PCDHGA2: variants seen among roughly 807,000 people sequenced by gnomAD.
PCDHGA2 encodes the protein protocadherin gamma-A2.
PCDHGA2 carries 40 observed loss-of-function variants against 59.2 expected under a neutral mutation model. That is an observed-to-expected ratio of 0.68 (90% confidence interval 0.52 to 0.88). PCDHGA2 has a LOEUF of 0.88. PCDHGA2 is among the 40% of genes least tolerant of loss of function. PCDHGA2 has a pLI of 0.00. For missense variants in PCDHGA2, 1,226 were observed against 1,204.0 expected, an observed-to-expected ratio of 1.02 and a Z score of -0.27; for synonymous variants, 560 against 526.0, an observed-to-expected ratio of 1.06 and a Z score of -0.89.
Position 141,366,326 on chromosome 5 carries a change from G to A in PCDHGA2, c.2424+24931G>A, listed in dbSNP as rs377206764. ...CTTCACGGTCACCGTTGCCGTGGCCGACAGGATCCCTGACATCCTGGCTGA... is the reference window on the plus strand; with the variant it reads ...CTTCACGGTCACCGTTGCCGTGGCCAACAGGATCCCTGACATCCTGGCTGA... On this transcript the variant is annotated intron_variant, in intron 1 of 3. Coordinates refer to ENST00000394576, the MANE Select transcript of PCDHGA2 (RefSeq NM_018915.4). 4 of 1,613,810 alleles carry A rather than the reference G, an allele frequency of 2.5e-6. No individual in the cohort carries two copies. The African/African-American group carries it at 4.0e-5, about 16-fold the overall frequency.
At chr5:141,345,206 A>G (rs752389107) in intron 1 of PCDHGA2, 4 of 1,613,874 alleles carry the variant, frequency 2.5e-6, no homozygotes, top group Admixed American at 3.3e-5. Context: ...GAAATCTGCC[A>G]TTTAAGTTAG....
At chr5:141,410,961 C>T (rs2095452770) in intron 1 of PCDHGA2, 1 of 178,096 alleles carries the variant, frequency 5.6e-6, no homozygotes, top group African/African-American at 2.5e-5. Flanking sequence ...TCAAGCGATT[C>T]TCCTGCCTCA....
At position 141,490,406 on chromosome 5, in the gene PCDHGA2, T is replaced by G; in HGVS notation, c.2425-4401T>G. On this transcript the variant is annotated intron_variant, in intron 1 of 3. Transcript: ENST00000394576. This position sits in a 1 kb window ranked among gnomAD's most constrained non-coding sequence, Gnocchi z 5.4. ...AGAAATGGTGAAGTGAGCCTTGATA[T>G]CTCTCCGGACCTGCCATTTCAGATT... is the stretch of plus-strand genomic sequence containing the variant. The G allele has an allele frequency of 1.9e-6, 3 of 1,614,112 alleles. No individual in the cohort carries two copies. Among genetic ancestry groups the G allele is most frequent in the Non-Finnish European group, 2.5e-6 (3 of 1,180,020 alleles).
Position 141,419,433 on chromosome 5 carries a change from T to C in PCDHGA2, c.2425-75374T>C, listed in dbSNP as rs1333004780. 11 of 1,613,246 alleles carry C rather than the reference T, an allele frequency of 6.8e-6. No individual in the cohort carries two copies. The highest frequency in any genetic ancestry group is 9.3e-6 in the Non-Finnish European group (11 of 1,179,828). On this transcript the variant is annotated intron_variant, in intron 1 of 3. Coordinates refer to ENST00000394576, the MANE Select transcript of PCDHGA2 (RefSeq NM_018915.4). ...CAGCGCGCCTTCGACCACGAGCAGC[T>C]GCGCACCTTCGAGCTCACGCTGCAG... is the stretch of plus-strand genomic sequence containing the variant.
rs778571401 is a variant in PCDHGA2, at chr5:141,371,690, C to T, written c.2424+30295C>T. On this transcript the variant is annotated intron_variant, in intron 1 of 3. Coordinates refer to ENST00000394576, the MANE Select transcript of PCDHGA2 (RefSeq NM_018915.4). ...CTACCGACAAAGGCAATCCACCGCTCTCCTCCAGCAAGACCATCACTCTGC... is the reference window on the plus strand; with the variant it reads ...CTACCGACAAAGGCAATCCACCGCTTTCCTCCAGCAAGACCATCACTCTGC... 14 of 1,614,078 alleles carry T rather than the reference C, an allele frequency of 8.7e-6. No homozygotes were observed. The Admixed American group carries it at 2.3e-4, about 27-fold the overall frequency.
At chr5:141,409,786 C>A in intron 1 of PCDHGA2, 11 of 1,612,124 alleles carry the variant, frequency 6.8e-6, no homozygotes, top group Non-Finnish European at 9.3e-6. Flanking sequence ...TGCGCGCCTT[C>A]GCGCTCACGC....
At chr5:141,344,713 A>T in intron 1 of PCDHGA2, 2 of 1,613,978 alleles carry the variant, frequency 1.2e-6, no homozygotes, top group Non-Finnish European at 1.7e-6. Flanking sequence ...GGCAACTTGC[A>T]CATCCAAGTG....
chr5:141,360,426 G>C, intron 1 of PCDHGA2: 2 of 1,614,000 alleles, frequency 1.2e-6, no homozygotes, highest in Non-Finnish European at 1.7e-6. Context: ...AGATATGCGG[G>C]AAGCAGCCTC....
chr5:141,344,099 G>A (rs759916569), intron 1 of PCDHGA2: 1 of 1,613,776 alleles, frequency 6.2e-7, no homozygotes. Flanking sequence ...TCCTGGGGAC[G>A]CTGTGCGAAA....
At chr5:141,375,391 A>C in intron 1 of PCDHGA2, 1 of 1,613,938 alleles carries the variant, frequency 6.2e-7, no homozygotes, top group Non-Finnish European at 8.5e-7. Flanking sequence ...CTACAGAAAC[A>C]ATCATCTCTC....
chr5:141,436,087 T>C (rs927404291), intron 1 of PCDHGA2, among the ~76,000 whole-genome samples: 1 of 152,198 alleles, frequency 6.6e-6, no homozygotes, highest in Non-Finnish European at 1.5e-5. Flanking sequence ...CTATAGGTAA[T>C]ATTGAGAGAA....
At chr5:141,467,455 GCTAGTA>G (rs2099144342) in intron 1 of PCDHGA2, among the ~76,000 whole-genome samples, 1 of 152,192 alleles carries the variant, frequency 6.6e-6, no homozygotes, top group African/African-American at 2.4e-5. Context: ...TTCTTCCAGT[GCTAGTA>G]CTTGCATGGT....
At chr5:141,418,917 C>T in intron 1 of PCDHGA2, 1 of 1,613,988 alleles carries the variant, frequency 6.2e-7, no homozygotes, top group Non-Finnish European at 8.5e-7. Context: ...ACGTCACTCT[C>T]TGATCAGATT....
At position 141,340,724 on chromosome 5, in the gene PCDHGA2, G is replaced by A. The variant is rs1242546924; in HGVS notation, c.1753G>A (p.Gly585Ser). ...VELAPRSAEP[G>S]YLVTKVVAVD... ...GCTGGCGCCCCGCTCCGCAGAGCCC[G>A]GCTACCTGGTGACCAAGGTGGTGGC... is the stretch of plus-strand genomic sequence containing the variant. Residue 585 changes from glycine to serine, a missense_variant, in exon 1 of 4, where the codon GGC becomes AGC. Gly to Ser is a moderately conservative substitution (Grantham distance 56). Transcript: ENST00000394576. The A allele has an allele frequency of 3.7e-6, 6 of 1,613,958 alleles. No individual in the cohort carries two copies. The African/African-American group carries it at 4.0e-5, about 11-fold the overall frequency.
chr5:141,478,856 T>G (rs1372487685), intron 1 of PCDHGA2: 2 of 1,353,224 alleles, frequency 1.5e-6, no homozygotes, highest in Non-Finnish European at 2.0e-6. Flanking sequence ...AAACACAAGA[T>G]CTCAGCGATC....
chr5:141,345,153 C>A (rs775928851), intron 1 of PCDHGA2: 1 of 1,613,942 alleles, frequency 6.2e-7, no homozygotes, highest in Non-Finnish European at 8.5e-7. Context: ...CGTGCATGAC[C>A]GAGATTCTGG....
At chr5:141,426,153 T>C (rs928934950) in intron 1 of PCDHGA2, 12 of 154,130 alleles carry the variant, frequency 7.8e-5, no homozygotes, top group African/African-American at 2.6e-4. Flanking sequence ...CTCCTGCAAA[T>C]CTGATTCCAT....
Position 141,352,519 on chromosome 5 carries a change from C to A in PCDHGA2, c.2424+11124C>A, listed in dbSNP as rs1338121700. 1.9e-6 allele frequency: 3 copies of A among 1,613,892 alleles called. No individual in the cohort carries two copies. The African/African-American group carries it at 4.0e-5, about 22-fold the overall frequency. ...CCTATTCCTACAATCTATGTATTGCCTCTCATTCTGCAAAGACAGAGTTTA... is the reference window on the plus strand; with the variant it reads ...CCTATTCCTACAATCTATGTATTGCATCTCATTCTGCAAAGACAGAGTTTA... On this transcript the variant is annotated intron_variant, in intron 1 of 3. Coordinates refer to ENST00000394576, the MANE Select transcript of PCDHGA2 (RefSeq NM_018915.4).
chr5:141,364,866 C>A (rs749361969), intron 1 of PCDHGA2: 1 of 1,614,016 alleles, frequency 6.2e-7, no homozygotes, highest in Non-Finnish European at 8.5e-7. Context: ...CTGCACTTCT[C>A]TCTGGATGTG....
Sources: allele counts gnomAD v4.1 joint callset (sites outside exome capture counted in the v4.1 genomes callset), GRCh38; gene constraint gnomAD v4.1.1; non-coding constraint Gnocchi (gnomAD v3.1); transcripts MANE v1.5; gene names NCBI Gene and HGNC (gene_info 2026-07-23, HGNC 2026-07-21).